DENND1A: variants seen among roughly 807,000 people sequenced by gnomAD.
DENND1A encodes the protein DENN domain-containing protein 1A.
DENND1A carries 51 observed loss-of-function variants against 113.7 expected under a neutral mutation model. The ratio of observed to expected loss-of-function variants is 0.45; its 90% confidence interval spans 0.36 to 0.57. The LOEUF is 0.57. Among genes scored for constraint, DENND1A ranks in the 20% least tolerant of loss-of-function variants. The pLI is 0.00. For missense variants in DENND1A, 1,258 were observed against 1,395.9 expected (o/e 0.90, Z 1.57); for synonymous variants, 565 against 570.8 (o/e 0.99, Z 0.14).
At chr9:123,449,533 C>CAA (rs34903069) in intron 18 of DENND1A, among the ~76,000 whole-genome samples, 2,067 of 72,554 alleles carry the variant, frequency 0.028, 36 homozygotes, top group African/African-American at 0.059. Flanking sequence ...GACTCCGTCT[C>CAA]AAAAAAAAAA....
chr9:123,494,219 AACTGACTTTTTTACACTGG>A (rs2051652237), intron 13 of DENND1A, among the ~76,000 whole-genome samples: 1 of 152,174 alleles, frequency 6.6e-6, no homozygotes, highest in South Asian at 2.1e-4. Flanking sequence ...TTGCTAATAA[AACTGACTTTTTTACACTGG>A]CTGTCCAAAG....
chr9:123,392,013 G>A (rs750863240), intron 21 of DENND1A, among the ~76,000 whole-genome samples: 9 of 152,162 alleles, frequency 5.9e-5, no homozygotes, highest in Non-Finnish European at 1.3e-4. Context: ...CCTTGTCTCC[G>A]CGTGGAGTTC....
At chr9:123,680,461 C>T (rs10986087) in intron 5 of DENND1A, among the ~76,000 whole-genome samples, 52,114 of 152,174 alleles carry the variant, frequency 0.34, 9,197 homozygotes, top group African/African-American at 0.39. Flanking sequence ...TCAAAATCAC[C>T]CTGAAAAAGC....
At chr9:123,494,556 C>T (rs577732465) in intron 13 of DENND1A, among the ~76,000 whole-genome samples, 4 of 152,292 alleles carry the variant, frequency 2.6e-5, no homozygotes, top group African/African-American at 2.4e-5. Flanking sequence ...ACAGAACACA[C>T]CCTTAAAAGT....
intron 2 of DENND1A, among the ~76,000 whole-genome samples, chr9:123,845,565 A>T (rs975275593): frequency 2.0e-5 from 3 of 151,054 alleles, no homozygotes; most frequent in Non-Finnish European, 4.4e-5. Context: ...AGCTACTTGC[A>T]AAGCGGAGGT....
At chr9:123,533,645 AG>A (rs1422539929) in intron 13 of DENND1A, among the ~76,000 whole-genome samples, 1 of 152,158 alleles carries the variant, frequency 6.6e-6, no homozygotes, top group African/African-American at 2.4e-5. Context: ...GTAGGTGGAG[AG>A]TGCTGGATGC....
At chr9:123,582,614 T>C (rs941643660) in intron 12 of DENND1A, among the ~76,000 whole-genome samples, 5 of 152,078 alleles carry the variant, frequency 3.3e-5, no homozygotes, top group African/African-American at 4.8e-5. Context: ...TTAGCCAGGA[T>C]GGTCTCACTT....
chr9:123,506,697 C>T lies in DENND1A; in HGVS notation c.994-48800G>A, dbSNP rs564354871. Among the ~76,000 whole-genome samples the T allele has an allele frequency of 1.3e-4, 20 of 149,570 alleles. 1 individual carries two copies. Among genetic ancestry groups the T allele is most frequent in the East Asian group, 3.9e-4 (2 of 5,090 alleles). Reference sequence around the variant, plus strand: ...AGGGTAATTATGACTGTTTCACAAACGAGGAAATAGGCTCAGAGAGATTAA... The same window carrying T: ...AGGGTAATTATGACTGTTTCACAAATGAGGAAATAGGCTCAGAGAGATTAA... On this transcript the variant is annotated intron_variant, in intron 13 of 23. Coordinates refer to ENST00000394215, the MANE Select transcript of DENND1A (RefSeq NM_001352964.2).
chr9:123,476,046 G>A (rs572158457), intron 13 of DENND1A, among the ~76,000 whole-genome samples: 7 of 152,242 alleles, frequency 4.6e-5, no homozygotes, highest in African/African-American at 1.2e-4. Flanking sequence ...TTAGCTGGGC[G>A]TGGTGGTGTA....
At chr9:123,634,019 G>A (rs1445323156) in intron 9 of DENND1A, among the ~76,000 whole-genome samples, 1 of 152,164 alleles carries the variant, frequency 6.6e-6, no homozygotes, top group African/African-American at 2.4e-5. Context: ...CTTTGAAAAA[G>A]TCATTTAATA....
intron 1 of DENND1A, among the ~76,000 whole-genome samples, chr9:123,892,768 G>A (rs1384819746): frequency 6.6e-6 from 1 of 152,186 alleles, no homozygotes; most frequent in Non-Finnish European, 1.5e-5. Flanking sequence ...GATCACTTGA[G>A]GTCAGGAGTT....
chr9:123,791,877 G>A (rs1418751589), intron 3 of DENND1A, among the ~76,000 whole-genome samples: 8 of 152,076 alleles, frequency 5.3e-5, no homozygotes, highest in Non-Finnish European at 1.0e-4. Flanking sequence ...AAAATGTAAG[G>A]TGCCCCAAAA....
chr9:123,441,289 TTTAA>T (rs1257145692), intron 18 of DENND1A, among the ~76,000 whole-genome samples: 1 of 152,256 alleles, frequency 6.6e-6, no homozygotes, highest in Non-Finnish European at 1.5e-5. Context: ...TTTGCATTAC[TTTAA>T]TTATGAGTAT....
Position 123,411,816 on chromosome 9 carries a change from C to A in DENND1A, c.1502G>T (p.Arg501Leu). 2.0e-6 allele frequency: 2 copies of A among 985,886 alleles called. No homozygotes were observed. Among genetic ancestry groups the A allele is most frequent in the South Asian group, 4.7e-5 (1 of 21,280 alleles). 61.1% of individuals were successfully genotyped at this position (985,886 alleles called of 1,614,324 possible). Reference protein sequence around the residue: ...TVHFGQLQRLRPTRPPPKIQR... With the variant: ...TVHFGQLQRLLPTRPPPKIQR... Reference sequence around the variant, plus strand: ...TATCTTGGGAGGCGGTCGGGTGGGACGCAGTCTCTGCAGCTGCATTAAAGT... The same window carrying A: ...TATCTTGGGAGGCGGTCGGGTGGGAAGCAGTCTCTGCAGCTGCATTAAAGT... Residue 501 changes from arginine (R) to leucine (L), a missense_variant, in exon 20 of 24, where the codon CGT becomes CTT. Transcript: ENST00000394215.
At chr9:123,848,474 T>G (rs896157980) in intron 2 of DENND1A, among the ~76,000 whole-genome samples, 4 of 152,112 alleles carry the variant, frequency 2.6e-5, no homozygotes, top group African/African-American at 7.2e-5. Flanking sequence ...AATAAATGTG[T>G]GTGTGTTCTG....
chr9:123,707,591 T>G lies in DENND1A; in HGVS notation c.303-30802A>C, dbSNP rs116952622. Among the ~76,000 whole-genome samples, 689 of 152,236 alleles carry G rather than the reference T, an allele frequency of 4.5e-3. 4 individuals are homozygous for G. Among genetic ancestry groups the G allele is most frequent in the Non-Finnish European group, 8.2e-3 (557 of 68,002 alleles). ...AATATATCAAAGAGAAGGCAGTGATTGTGTCAAACAGATCAAGAAAGAGGA... is the reference window on the plus strand; with the variant it reads ...AATATATCAAAGAGAAGGCAGTGATGGTGTCAAACAGATCAAGAAAGAGGA... On this transcript the variant is annotated intron_variant, in intron 5 of 23. Coordinates refer to ENST00000394215, the MANE Select transcript of DENND1A (RefSeq NM_001352964.2).
At chr9:123,641,817 C>T (rs1292414811) in intron 9 of DENND1A, among the ~76,000 whole-genome samples, 1 of 152,158 alleles carries the variant, frequency 6.6e-6, no homozygotes, top group Non-Finnish European at 1.5e-5. Flanking sequence ...TCCGGGGAAC[C>T]TCAAAAAATA....
At chr9:123,908,912 G>A (rs1262783452) in intron 1 of DENND1A, among the ~76,000 whole-genome samples, 5 of 152,082 alleles carry the variant, frequency 3.3e-5, no homozygotes, top group South Asian at 2.1e-4. Context: ...TGTTTATTGC[G>A]GCATTATTCA....
chr9:123,679,416 C>G (rs1205957880), intron 5 of DENND1A, among the ~76,000 whole-genome samples: 3 of 152,200 alleles, frequency 2.0e-5, no homozygotes, highest in African/African-American at 7.2e-5. Context: ...TCAGCCTCAG[C>G]CTCACCAAGT....
Sources: gnomAD v4.1 joint callset for allele counts (sites outside exome capture counted in the v4.1 genomes callset) on GRCh38, gnomAD v4.1.1 for gene constraint, MANE v1.5 for transcripts, NCBI Gene and HGNC (gene_info 2026-07-23, HGNC 2026-07-21) for gene names.